Variants in BAK1 observed in about 807,000 individuals in gnomAD.
BAK1 encodes the protein BCL2 antagonist/killer 1.
BAK1 carries 19 observed loss-of-function variants against 24.7 expected under a neutral mutation model. That is an observed-to-expected ratio of 0.77 (90% CI 0.54 to 1.13). The LOEUF (loss-of-function observed/expected upper bound fraction) is 1.13. BAK1 is among the 50% of genes most tolerant of loss of function. BAK1 has a pLI of 0.00. For synonymous variants in BAK1, 86 were observed against 107.3 expected (o/e 0.80, Z 1.23); for missense variants, 194 against 279.4 (o/e 0.69, Z 2.18).
rs781674780 is a variant in BAK1, at chr6:33,575,784, G to A, written c.206+9C>T. ...AGATGTCCTTGTGGGCCCAGCGGTT[G>A]TAGCTCACCTGCTAGGTTGCAGAGG... On this transcript the variant is annotated intron_variant, in intron 3 of 5. Coordinates refer to ENST00000374467, the MANE Select transcript of BAK1 (RefSeq NM_001188.4). The surrounding 1 kb of genome is among the most constrained non-coding windows in gnomAD (Gnocchi z 6.3). The A allele has an allele frequency of 1.2e-6, 2 of 1,612,180 alleles. No homozygotes were observed. The highest frequency in any genetic ancestry group is 1.1e-5 in the South Asian group (1 of 90,978).
chr6:33,576,755 G>A (rs985352419), intron 2 of BAK1, among the ~76,000 whole-genome samples: 10 of 151,930 alleles, frequency 6.6e-5, no homozygotes, highest in Non-Finnish European at 1.3e-4. Flanking sequence ...GAGTTGTTCC[G>A]GCACTTGCAT....
chr6:33,575,225 T>G lies in BAK1; in HGVS notation c.350+73A>C, dbSNP rs749409665. The G allele has an allele frequency of 1.9e-6, 3 of 1,603,626 alleles. No individual in the cohort carries two copies. The highest frequency in any genetic ancestry group is 1.1e-5 in the South Asian group (1 of 90,652). On this transcript the variant is annotated intron_variant, in intron 4 of 5. Coordinates refer to ENST00000374467, the MANE Select transcript of BAK1 (RefSeq NM_001188.4). The surrounding 1 kb of genome is among the most constrained non-coding windows in gnomAD (Gnocchi z 6.3). Reference sequence around the variant, plus strand: ...TTCTCCCCATGCCAGGAGAGCATCATGCAGGCAGGGTATGGTATGGTTGTG... The same window carrying G: ...TTCTCCCCATGCCAGGAGAGCATCAGGCAGGCAGGGTATGGTATGGTTGTG...
chr6:33,573,209 AATG>A lies in BAK1; in HGVS notation c.*591_*593del, dbSNP rs1762790072. 1 of 152,268 alleles carries A rather than the reference AATG, an allele frequency of 6.6e-6. No homozygotes were observed. The highest frequency in any genetic ancestry group is 2.1e-4 in the South Asian group (1 of 4,790). The allele number at this position is 152,268 out of a possible 1,614,324, so 9.4% of individuals were successfully genotyped here. Reference sequence around the variant, plus strand: ...CAAAGGCAGTATGGCCGGAGGGAGGAATGGGAGCAGGGGTAGAGTTGAGCAGGA... The same window carrying A: ...CAAAGGCAGTATGGCCGGAGGGAGGAGGAGCAGGGGTAGAGTTGAGCAGGA... On this transcript the variant is annotated 3_prime_UTR_variant, in exon 6 of 6. Transcript: ENST00000374467.
chr6:33,574,110 C>T lies in BAK1; in HGVS notation c.455G>A (p.Gly152Asp). The change falls in exon 5 of 6, where the codon GGC becomes GAC. Residue 152 changes from glycine (G) to aspartate (D), a missense_variant. Coordinates refer to ENST00000374467, the MANE Select transcript of BAK1 (RefSeq NM_001188.4). ...VYQHGLTGFL[G>D]QVTRFVVDFM... ...GTCGACCACGAAGCGGGTCACCTGG[C>T]CTAGGAAGCCAGTCAGGCCATGCTG... 6.2e-7 allele frequency: 1 copy of T among 1,614,200 alleles called. No individual in the cohort carries two copies. Among genetic ancestry groups the T allele is most frequent in the Non-Finnish European group, 8.5e-7 (1 of 1,180,036 alleles).
At position 33,575,791 on chromosome 6, in the gene BAK1, A is replaced by C. The variant is rs750857077; in HGVS notation, c.206+2T>G. ...CTTGTGGGCCCAGCGGTTGTAGCTCACCTGCTAGGTTGCAGAGGTAAGGTG... is the reference window on the plus strand; with the variant it reads ...CTTGTGGGCCCAGCGGTTGTAGCTCCCCTGCTAGGTTGCAGAGGTAAGGTG... On this transcript the variant is annotated splice_donor_variant, in intron 3 of 5. Transcript: ENST00000374467. LOFTEE classifies it high-confidence loss of function. The surrounding 1 kb of genome is among the most constrained non-coding windows in gnomAD (Gnocchi z 6.3). 4.3e-6 allele frequency: 7 copies of C among 1,612,414 alleles called. No individual in the cohort carries two copies. In the South Asian group the frequency reaches 7.7e-5, roughly 18 times the overall value.
rs1762824591 is a variant in BAK1 at position 33,575,298 on chromosome 6, C to T, written c.350G>A (p.Ser117Asn). ...GCTGGCAGGGAGGTGGCTGGGGTACCTGGTGGCAATCTTGGTGAAGTACTC... is the reference window on the plus strand; with the variant it reads ...GCTGGCAGGGAGGTGGCTGGGGTACTTGGTGGCAATCTTGGTGAAGTACTC... ...AYEYFTKIAT[S>N]LFESGINWGR... is the part of the protein sequence containing the mutation. Residue 117 changes from serine (S) to asparagine (N), a missense_variant and splice_region_variant, in exon 4 of 6, where the codon AGC becomes AAC. Coordinates refer to ENST00000374467, the MANE Select transcript of BAK1 (RefSeq NM_001188.4). The surrounding 1 kb of genome is among the most constrained non-coding windows in gnomAD (Gnocchi z 6.3). The T allele has an allele frequency of 6.2e-7, 1 of 1,614,144 alleles. No homozygotes were observed.
In BAK1 at chr6:33,574,098, C is replaced by T. The variant is rs745860609; in HGVS notation, c.467G>A (p.Arg156His). 20 of 1,614,084 alleles carry T rather than the reference C, an allele frequency of 1.2e-5. No homozygotes were observed. The highest frequency in any genetic ancestry group is 5.0e-5 in the Admixed American group (3 of 60,006). Residue 156 changes from arginine (R) to histidine (H), a missense_variant, in exon 5 of 6, where the codon CGC (arginine) becomes CAC (histidine). By Grantham distance (29) the Arg-to-His change is conservative. Coordinates refer to ENST00000374467, the MANE Select transcript of BAK1 (RefSeq NM_001188.4). ...GLTGFLGQVT[R>H]FVVDFMLHHC... ...ATGCAGCATGAAGTCGACCACGAAG[C>T]GGGTCACCTGGCCTAGGAAGCCAGT...
chr6:33,577,548 C>T lies in BAK1; in HGVS notation c.57G>A (p.Leu19=). The change falls in exon 2 of 6, where the codon CTG becomes CTA. Residue 19 remains leucine, a synonymous_variant. Transcript: ENST00000374467. The surrounding 1 kb of genome is among the most constrained non-coding windows in gnomAD (Gnocchi z 4.6). ...PPRQECGEPA[L]PSASEEQVAQ... ...GAAGACCCTTACCAGAAGCAGAGGG[C>T]AGGGCAGGCTCTCCGCACTCCTGCC... 2 of 1,548,284 alleles carry T rather than the reference C, an allele frequency of 1.3e-6. No homozygotes were observed. Among genetic ancestry groups the T allele is most frequent in the South Asian group, 1.2e-5 (1 of 83,614 alleles).
chr6:33,579,124 G>C (rs901934358), intron 1 of BAK1, among the ~76,000 whole-genome samples: 8 of 152,184 alleles, frequency 5.3e-5, no homozygotes, highest in Admixed American at 3.9e-4. Flanking sequence ...GGGCATAGTG[G>C]CCCACGAGGT....
In BAK1 at chr6:33,574,037, G is replaced by A; in HGVS notation, c.528C>T (p.Gly176=). The A allele has an allele frequency of 6.2e-7, 1 of 1,613,838 alleles. No homozygotes were observed. Among genetic ancestry groups the A allele is most frequent in the Non-Finnish European group, 8.5e-7 (1 of 1,179,756 alleles). ...CIARWIAQRG[G]WVAALNLGNG... is the part of the protein sequence containing the mutation. ...ATTGCAGTCCTTGGATACTCACCCA[G>A]CCACCCCTCTGTGCAATCCACCGGG... Residue 176 remains glycine (G), a synonymous_variant, in exon 5 of 6, where the codon GGC becomes GGT. Coordinates refer to ENST00000374467, the MANE Select transcript of BAK1 (RefSeq NM_001188.4).
Position 33,578,954 on chromosome 6 carries a change from C to T in BAK1, c.-32+1071G>A, listed in dbSNP as rs1181160568. On this transcript the variant is annotated intron_variant, in intron 1 of 5. Transcript: ENST00000374467. This position sits in a 1 kb window ranked among gnomAD's most constrained non-coding sequence, Gnocchi z 4.8. Reference sequence around the variant, plus strand: ...GCCTGGGAGTGTTTTCGAAAGTGCCCCAAGAGCTCTCAAGAAGGGGTGGAG... The same window carrying T: ...GCCTGGGAGTGTTTTCGAAAGTGCCTCAAGAGCTCTCAAGAAGGGGTGGAG... Among the ~76,000 whole-genome samples, 1 of 152,104 alleles carries T rather than the reference C, an allele frequency of 6.6e-6. No individual in the cohort carries two copies. The highest frequency in any genetic ancestry group is 1.5e-5 in the Non-Finnish European group (1 of 68,022).
chr6:33,573,823 G>A lies in BAK1; in HGVS notation c.616C>T (p.Arg206Ter), dbSNP rs370944014. 1.6e-5 allele frequency: 26 copies of A among 1,613,962 alleles called. No individual in the cohort carries two copies. The highest frequency in any genetic ancestry group is 2.7e-5 in the African/African-American group (2 of 75,048). The part of the protein sequence containing the change: ...GVVLLGQFVV[R>*]RFFKS ...GGGAGTCATGATTTGAAGAATCTTC[G>A]TACCACAAACTGGCCCAACAGAACC... is the stretch of plus-strand genomic sequence containing the variant. Residue 206 changes from arginine to a stop codon, truncating the protein, a stop_gained, in exon 6 of 6, where the codon CGA (arginine) becomes TGA (stop). Transcript: ENST00000374467. LOFTEE classifies it high-confidence loss of function.
In BAK1 at chr6:33,575,797, T is replaced by A; in HGVS notation, c.202A>T (p.Ser68Cys). The A allele has an allele frequency of 6.2e-7, 1 of 1,612,684 alleles. No individual in the cohort carries two copies. Among genetic ancestry groups the A allele is most frequent in the Non-Finnish European group, 8.5e-7 (1 of 1,179,908 alleles). Reference protein sequence around the residue: ...PEMVTLPLQPSSTMGQVGRQL... With the variant: ...PEMVTLPLQPCSTMGQVGRQL... The stretch of plus-strand genomic sequence containing the variant: ...GGCCCAGCGGTTGTAGCTCACCTGC[T>A]AGGTTGCAGAGGTAAGGTGACCATC... Residue 68 changes from serine (S) to cysteine (C), a missense_variant, in exon 3 of 6, where the codon AGC becomes TGC. By Grantham distance (112) the Ser-to-Cys change is moderately radical (BLOSUM62 -1). Coordinates refer to ENST00000374467, the MANE Select transcript of BAK1 (RefSeq NM_001188.4). This position sits in a 1 kb window ranked among gnomAD's most constrained non-coding sequence, Gnocchi z 6.3.
At chr6:33,574,326 T>C in intron 4 of BAK1, 112 bp from the exon 5 acceptor site, 1 of 1,466,678 alleles carries the variant, frequency 6.8e-7, no homozygotes, top group Non-Finnish European at 9.3e-7. Flanking sequence ...TAGCTGTGAA[T>C]TAAGGCCGCA....
In BAK1 at chr6:33,578,458, C is replaced by T. The variant is rs542800172; in HGVS notation, c.-31-823G>A. On this transcript the variant is annotated intron_variant, in intron 1 of 5. Transcript: ENST00000374467. This position sits in a 1 kb window ranked among gnomAD's most constrained non-coding sequence, Gnocchi z 4.8. The stretch of plus-strand genomic sequence containing the variant: ...TCTCCGTGAGTCCATGTACTCAACA[C>T]GCATGCAAGATTTCTTTTCCAGTTT... Among the ~76,000 whole-genome samples the T allele has an allele frequency of 1.3e-5, 2 of 152,318 alleles. No individual in the cohort carries two copies. Among genetic ancestry groups the T allele is most frequent in the South Asian group, 2.1e-4 (1 of 4,828 alleles).
chr6:33,572,882 C>T lies in BAK1; in HGVS notation c.*921G>A, dbSNP rs1313175781. ...TGATAGTCCTTCTCCCACTTAGAAC[C>T]CTCCAGATGAACTCCCTACTCCTTT... On this transcript the variant is annotated 3_prime_UTR_variant, in exon 6 of 6. Transcript: ENST00000374467. 10 of 151,862 alleles carry T rather than the reference C, an allele frequency of 6.6e-5. No homozygotes were observed. Among genetic ancestry groups the T allele is most frequent in the Non-Finnish European group, 8.8e-5 (6 of 67,826 alleles). 9.4% of individuals were successfully genotyped at this position (151,862 alleles called of 1,614,324 possible).
intron 2 of BAK1, among the ~76,000 whole-genome samples, chr6:33,576,814 G>GGA (rs1345692821): frequency 1.3e-5 from 2 of 152,182 alleles, no homozygotes; most frequent in Non-Finnish European, 2.9e-5. Context: ...GCTGGCAGGG[G>GGA]GAAAATGGCA....
At chr6:33,574,403 G>A in intron 4 of BAK1, 189 bp from the exon 5 acceptor site, 2 of 1,464,818 alleles carry the variant, frequency 1.4e-6, no homozygotes, top group South Asian at 1.2e-5. Context: ...AAAGCTCAGG[G>A]GCAGATGAGC....
chr6:33,579,352 C>CAA (rs537296376), intron 1 of BAK1, among the ~76,000 whole-genome samples: 47 of 150,574 alleles, frequency 3.1e-4, no homozygotes, highest in African/African-American at 1.1e-3. Context: ...TTTCAAAAAA[C>CAA]AAAAAAAAAG....
Sources: allele counts gnomAD v4.1 joint callset (sites outside exome capture counted in the v4.1 genomes callset), GRCh38; gene constraint gnomAD v4.1.1; non-coding constraint Gnocchi (gnomAD v3.1); transcripts MANE v1.5; gene names NCBI Gene and HGNC (gene_info 2026-07-23, HGNC 2026-07-21).